The following MUC5B variants were observed in gnomAD, a reference collection of about 807,000 sequenced individuals.
MUC5B encodes the protein mucin 5B, oligomeric mucus/gel-forming.
MUC5B carries 116 observed loss-of-function variants against 376.9 expected under a neutral mutation model. That is an observed-to-expected ratio of 0.31 (90% CI 0.26 to 0.36). MUC5B has a LOEUF of 0.36. MUC5B is among the 10% of genes least tolerant of loss of function. The pLI is 1.00. For synonymous variants in MUC5B, 3,517 were observed against 3,390.9 expected (o/e 1.04, Z -1.29); for missense variants, 7,165 against 7,769.9 (o/e 0.92, Z 2.93).
rs1379778200 is a variant in MUC5B at position 1,232,521 on chromosome 11, A to G, written c.1915A>G (p.Ile639Val). Reference sequence around the variant, plus strand: ...TGCCTTCTCGCGCTGCCACTCCATCATCAACCCCAAGCCCTTCCACTCGGT... The same window carrying G: ...TGCCTTCTCGCGCTGCCACTCCATCGTCAACCCCAAGCCCTTCCACTCGGT... Reference protein sequence around the residue: ...NSAFSRCHSIINPKPFHSNCM... With the variant: ...NSAFSRCHSIVNPKPFHSNCM... Residue 639 changes from isoleucine (I) to valine (V), a missense_variant, in exon 16 of 49, where the codon ATC (isoleucine) becomes GTC (valine). Ile to Val is a conservative substitution (Grantham distance 29). Transcript: ENST00000529681. The G allele has an allele frequency of 1.2e-6, 2 of 1,611,168 alleles. No homozygotes were observed. Among genetic ancestry groups the G allele is most frequent in the South Asian group, 2.2e-5 (2 of 90,568 alleles).
At chr11:1,231,181 G>A (rs1241860671) in intron 13 of MUC5B, among the ~76,000 whole-genome samples, 176 bp downstream of exon 13, 1 of 152,162 alleles carries the variant, frequency 6.6e-6, no homozygotes, top group Non-Finnish European at 1.5e-5. Flanking sequence ...CTCCCACCCC[G>A]GCAGCGGCAG....
Position 1,244,759 on chromosome 11 carries a change from G to C in MUC5B, c.7879G>C (p.Ala2627Pro). 6.2e-7 allele frequency: 1 copy of C among 1,612,236 alleles called. No homozygotes were observed. The highest frequency in any genetic ancestry group is 8.5e-7 in the Non-Finnish European group (1 of 1,178,960). The change falls in exon 31 of 49, where the codon GCA becomes CCA. Residue 2627 changes from alanine to proline, a missense_variant. Ala to Pro is a conservative substitution (Grantham distance 27). Transcript: ENST00000529681. ...CACCCCCTCCTCCAGCCCAGGGACG[G>C]CACGCACGCTTCCAGTGTGGATCAG... ...TATPSSSPGT[A>P]RTLPVWISTT...
At position 1,235,228 on chromosome 11, in the gene MUC5B, G is replaced by A. The variant is rs371250612; in HGVS notation, c.2769+5G>A. On this transcript the variant is annotated splice_donor_5th_base_variant and intron_variant, in intron 22 of 48. Coordinates refer to ENST00000529681, the MANE Select transcript of MUC5B (RefSeq NM_002458.3). ...TGCGAGTACATCTTGGCCCAGGTAC[G>A]CCGCCCCCTCGCCCACTCCTGCAGG... 1.1e-5 allele frequency: 18 copies of A among 1,612,318 alleles called. No homozygotes were observed. In the Admixed American group the frequency reaches 1.3e-4, roughly 12 times the overall value.
In MUC5B at chr11:1,247,007, C is replaced by T. The variant is rs1862496640; in HGVS notation, c.10127C>T (p.Thr3376Ile). 2 of 1,555,020 alleles carry T rather than the reference C, an allele frequency of 1.3e-6. No individual in the cohort carries two copies. Among genetic ancestry groups the T allele is most frequent in the African/African-American group, 1.4e-5 (1 of 72,900 alleles). The change falls in exon 31 of 49, where the codon ACA becomes ATA. Residue 3376 changes from threonine (T) to isoleucine (I), a missense_variant. Transcript: ENST00000529681. ...TTTVATGSMATPSSSTQTSGT... is the reference protein window; with the variant it reads ...TTTVATGSMAIPSSSTQTSGT... ...ACTGTGGCCACTGGTTCTATGGCAACACCCTCCTCTAGCACACAGACCAGT... is the reference window on the plus strand; with the variant it reads ...ACTGTGGCCACTGGTTCTATGGCAATACCCTCCTCTAGCACACAGACCAGT...
At chr11:1,240,637 A>G (rs574010044) in intron 30 of MUC5B, among the ~76,000 whole-genome samples, 13 of 152,304 alleles carry the variant, frequency 8.5e-5, no homozygotes, top group Admixed American at 8.5e-4. Flanking sequence ...AGCACGGCCT[A>G]TCCCAGCCAG....
chr11:1,240,488 C>T, intron 30 of MUC5B, 113 bp downstream of exon 30: 1 of 1,019,922 alleles, frequency 9.8e-7, no homozygotes, highest in Non-Finnish European at 1.4e-6. Context: ...ATCCACTGAC[C>T]TTCCGGGCTC....
rs780459524 is a variant in MUC5B, at chr11:1,229,244, C to T, written c.1051C>T (p.Arg351Cys). 2.4e-5 allele frequency: 39 copies of T among 1,594,566 alleles called. No homozygotes were observed. The highest frequency in any genetic ancestry group is 1.7e-4 in the South Asian group (15 of 88,308). Residue 351 changes from arginine to cysteine, a missense_variant, in exon 9 of 49, where the codon CGC becomes TGC. Around this residue, in one of 31 missense-constraint regions of MUC5B, gnomAD observed 640 missense variants for 733.0 expected, o/e 0.87. Coordinates refer to ENST00000529681, the MANE Select transcript of MUC5B (RefSeq NM_002458.3). ...PCTDTCSNPQ[R>C]AQLCEDHCVD... ...CACGGACACCTGCTCCAACCCCCAGCGCGCGCAGCTCTGCGAGGACCACTG... is the reference window on the plus strand; with the variant it reads ...CACGGACACCTGCTCCAACCCCCAGTGCGCGCAGCTCTGCGAGGACCACTG...
At chr11:1,235,003 C>T (rs1862122914) in intron 21 of MUC5B, 82 bp from the exon 22 acceptor site, 1 of 1,508,834 alleles carries the variant, frequency 6.6e-7, no homozygotes. Flanking sequence ...CCCGTGCTGA[C>T]CTGCACAGGC....
rs370460796 is a variant in MUC5B, at chr11:1,255,460, G to A, written c.15968G>A (p.Arg5323His). 106 of 1,595,118 alleles carry A rather than the reference G, an allele frequency of 6.6e-5. No homozygotes were observed. The African/African-American group carries it at 9.7e-4, about 15-fold the overall frequency. Reference sequence around the variant, plus strand: ...TGCATCAGCGACCACTGCAGGGGCCGCCTTGAGGTGCCCTGCCAGAGCCTG... The same window carrying A: ...TGCATCAGCGACCACTGCAGGGGCCACCTTGAGGTGCCCTGCCAGAGCCTG... ...NACISDHCRGRLEVPCQSLEA... is the reference protein window; with the variant it reads ...NACISDHCRGHLEVPCQSLEA... The change falls in exon 37 of 49, where the codon CGC (arginine) becomes CAC (histidine). Residue 5323 changes from arginine to histidine, a missense_variant. Arg to His is a conservative substitution (Grantham distance 29). This residue lies in a region of MUC5B where 842 missense variants were observed against 1,016.9 expected (regional missense o/e 0.83). Coordinates refer to ENST00000529681, the MANE Select transcript of MUC5B (RefSeq NM_002458.3).
At chr11:1,259,124 G>T (rs546803702) in intron 44 of MUC5B, 63 bp downstream of exon 44, 1 of 1,397,736 alleles carries the variant, frequency 7.2e-7, no homozygotes, top group African/African-American at 1.6e-5. Context: ...AGTGAGACCC[G>T]AGGCACCTGC....
chr11:1,227,983 G>A (rs1861928213), intron 7 of MUC5B, among the ~76,000 whole-genome samples: 1 of 152,210 alleles, frequency 6.6e-6, no homozygotes, highest in Admixed American at 6.5e-5. Context: ...GGCCACGCGT[G>A]TGCCCATCTG....
Position 1,235,322 on chromosome 11 carries a change from C to A in MUC5B, c.2789C>A (p.Thr930Asn), listed in dbSNP as rs775650238. ...ILAQDYCGDN[T>N]THGTFRIVTE... Reference sequence around the variant, plus strand: ...GCCCAGGACTACTGTGGGGACAACACCACCCACGGGACCTTCCGCATCGTC... The same window carrying A: ...GCCCAGGACTACTGTGGGGACAACAACACCCACGGGACCTTCCGCATCGTC... Residue 930 changes from threonine (T) to asparagine (N), a missense_variant, in exon 23 of 49, where the codon ACC (threonine) becomes AAC (asparagine). Thr to Asn is a moderately conservative substitution (Grantham distance 65). This residue lies in a region of MUC5B where 530 missense variants were observed against 604.0 expected (regional missense o/e 0.88). Transcript: ENST00000529681. 6.8e-6 allele frequency: 11 copies of A among 1,613,000 alleles called. No homozygotes were observed. Among genetic ancestry groups the A allele is most frequent in the Non-Finnish European group, 9.3e-6 (11 of 1,179,732 alleles).
At position 1,247,145 on chromosome 11, in the gene MUC5B, C is replaced by A. The variant is rs550588734; in HGVS notation, c.10265C>A (p.Thr3422Asn). The A allele has an allele frequency of 2.6e-6, 4 of 1,530,160 alleles. No individual in the cohort carries two copies. The African/African-American group carries it at 5.5e-5, about 21-fold the overall frequency. The allele number at this position is 1,530,160 out of a possible 1,614,324, so 94.8% of individuals were successfully genotyped here. The change falls in exon 31 of 49, where the codon ACC becomes AAC. Residue 3422 changes from threonine (T) to asparagine (N), a missense_variant. Physicochemically the swap from Thr to Asn is moderately conservative, Grantham distance 65 (BLOSUM62 0). Around this residue, in one of 31 missense-constraint regions of MUC5B, gnomAD observed 939 missense variants for 770.6 expected, o/e 1.22. Transcript: ENST00000529681. ...TTPIPPVLTTTATTPAATSST... is the reference protein window; with the variant it reads ...TTPIPPVLTTNATTPAATSST... Reference sequence around the variant, plus strand: ...CCCATCCCCCCAGTGCTGACCACCACCGCCACCACACCTGCAGCCACCAGC... The same window carrying A: ...CCCATCCCCCCAGTGCTGACCACCAACGCCACCACACCTGCAGCCACCAGC...
Position 1,241,817 on chromosome 11 carries a change from G to T in MUC5B, c.4937G>T (p.Ser1646Ile). The change falls in exon 31 of 49, where the codon AGC becomes ATC. Residue 1646 changes from serine (S) to isoleucine (I), a missense_variant. By Grantham distance (142) the Ser-to-Ile change is moderately radical. Around this residue, in one of 31 missense-constraint regions of MUC5B, gnomAD observed 897 missense variants for 779.6 expected, o/e 1.15. Transcript: ENST00000529681. The stretch of plus-strand genomic sequence containing the variant: ...GGGCTGACCAGGGCTCCCCCGGCCA[G>T]CACCACAGCAGTCCCCACCCTCTCA... ...SPGLTRAPPASTTAVPTLSEG... is the reference protein window; with the variant it reads ...SPGLTRAPPAITTAVPTLSEG... 6.2e-7 allele frequency: 1 copy of T among 1,613,026 alleles called. No individual in the cohort carries two copies. Among genetic ancestry groups the T allele is most frequent in the Non-Finnish European group, 8.5e-7 (1 of 1,179,524 alleles).
At chr11:1,229,039 G>C in intron 8 of MUC5B, 131 bp from the exon 9 acceptor site, 1 of 1,175,694 alleles carries the variant, frequency 8.5e-7, no homozygotes, top group Non-Finnish European at 1.2e-6. Context: ...GGGCGTCAGG[G>C]CCACCCTGGG....
chr11:1,251,441 T>C lies in MUC5B; in HGVS notation c.14561T>C (p.Ile4854Thr), dbSNP rs200249076. The change falls in exon 31 of 49, where the codon ATA becomes ACA. Residue 4854 changes from isoleucine to threonine, a missense_variant. This residue lies in a region of MUC5B where 730 missense variants were observed against 592.7 expected (regional missense o/e 1.23). Coordinates refer to ENST00000529681, the MANE Select transcript of MUC5B (RefSeq NM_002458.3). Reference protein sequence around the residue: ...TTWILTEPSTIATVMVPTGST... With the variant: ...TTWILTEPSTTATVMVPTGST... ...TGGATCCTCACAGAGCCGAGCACTATAGCCACCGTGATGGTGCCCACCGGT... is the reference window on the plus strand; with the variant it reads ...TGGATCCTCACAGAGCCGAGCACTACAGCCACCGTGATGGTGCCCACCGGT... The C allele has an allele frequency of 1.6e-4, 248 of 1,547,292 alleles. No individual in the cohort carries two copies. The highest frequency in any genetic ancestry group is 3.3e-4 in the African/African-American group (24 of 72,250).
rs1590185070 is a variant in MUC5B, at chr11:1,248,226, GAGA to G, written c.11349_11351del (p.Arg3783del). On this transcript the variant is annotated inframe_deletion, in exon 31 of 49. Coordinates refer to ENST00000529681, the MANE Select transcript of MUC5B (RefSeq NM_002458.3). ...GGACTGCAACCGCCCTTCCAGCACT[GAGA>G]AGCACAGCCACCACACCCACAGCTA... The G allele has an allele frequency of 2.5e-6, 4 of 1,603,382 alleles. No individual in the cohort carries two copies. In the East Asian group the frequency reaches 9.0e-5, roughly 36 times the overall value.
Position 1,260,084 on chromosome 11 carries a change from G to C in MUC5B, c.16922G>C (p.Arg5641Thr). 6.2e-7 allele frequency: 1 copy of C among 1,612,458 alleles called. No homozygotes were observed. The highest frequency in any genetic ancestry group is 2.2e-5 in the East Asian group (1 of 44,876). The change falls in exon 46 of 49, where the codon AGG becomes ACG. Residue 5641 changes from arginine to threonine, a missense_variant and splice_region_variant. Transcript: ENST00000529681. ...PASCPDVSSC[R>T]GSLRKTGCCY... ...TCCTGCCCAGATGTGTCCAGCTGCA[G>C]GGTGTGTGCTGGAGGCCCTGCCCCT...
chr11:1,247,143 C>G lies in MUC5B; in HGVS notation c.10263C>G (p.Thr3421=), dbSNP rs769482214. ...GTTPIPPVLT[T]TATTPAATSS... ...CTCCCATCCCCCCAGTGCTGACCAC[C>G]ACCGCCACCACACCTGCAGCCACCA... is the stretch of plus-strand genomic sequence containing the variant. Residue 3421 remains threonine (T), a synonymous_variant, in exon 31 of 49, where the codon ACC becomes ACG. Coordinates refer to ENST00000529681, the MANE Select transcript of MUC5B (RefSeq NM_002458.3). 2.0e-5 allele frequency: 31 copies of G among 1,534,794 alleles called. No homozygotes were observed. The highest frequency in any genetic ancestry group is 2.7e-5 in the Non-Finnish European group (30 of 1,126,636).
Sources: gnomAD v4.1 joint callset for allele counts (sites outside exome capture counted in the v4.1 genomes callset) on GRCh38, gnomAD v4.1.1 for gene constraint, gnomAD v4.1.1 regional missense constraint, MANE v1.5 for transcripts, NCBI Gene and HGNC (gene_info 2026-07-23, HGNC 2026-07-21) for gene names.